PPP1R14D: variants seen among roughly 807,000 people sequenced by gnomAD.
The protein encoded by PPP1R14D is protein phosphatase 1 regulatory subunit 14D.
PPP1R14D carries 14 observed loss-of-function variants against 17.1 expected under a neutral mutation model. That is an observed-to-expected ratio of 0.82 (90% CI 0.54 to 1.28). The LOEUF is 1.28. PPP1R14D is among the 50% of genes most tolerant of loss of function. The pLI is 0.00. For missense variants in PPP1R14D, 173 were observed against 179.2 expected, an observed-to-expected ratio of 0.97 and a Z score of 0.20; for synonymous variants, 67 against 66.1, an observed-to-expected ratio of 1.01 and a Z score of -0.06.
At chr15:40,822,046 G>A (rs1184956869) in intron 1 of PPP1R14D, among the ~76,000 whole-genome samples, 1 of 152,218 alleles carries the variant, frequency 6.6e-6, no homozygotes, top group Non-Finnish European at 1.5e-5. Flanking sequence ...GGGAGGCTGA[G>A]GTGGGAGGAT....
intron 1 of PPP1R14D, among the ~76,000 whole-genome samples, chr15:40,826,419 C>T (rs1274756465): frequency 6.6e-6 from 1 of 152,186 alleles, no homozygotes; most frequent in African/African-American, 2.4e-5. Context: ...GTATGGTTCT[C>T]AGCCCAGCCA....
At chr15:40,818,766 C>G (rs770270799) in intron 1 of PPP1R14D, among the ~76,000 whole-genome samples, 5 of 152,188 alleles carry the variant, frequency 3.3e-5, no homozygotes, top group Non-Finnish European at 5.9e-5. Flanking sequence ...CTGTATGACA[C>G]TATAACGGTG....
intron 1 of PPP1R14D, among the ~76,000 whole-genome samples, chr15:40,827,337 C>G: frequency 6.6e-6 from 1 of 152,018 alleles, no homozygotes; most frequent in East Asian, 1.9e-4. Context: ...GGAGAAACCC[C>G]GTCTCTACTA....
At chr15:40,828,312 GC>G in intron 1 of PPP1R14D, 74 bp downstream of exon 1, 1 of 1,498,254 alleles carries the variant, frequency 6.7e-7, no homozygotes, top group Non-Finnish European at 8.9e-7. Context: ...CAGCCCTCCA[GC>G]TCCTGTGAAG....
intron 1 of PPP1R14D, among the ~76,000 whole-genome samples, chr15:40,816,714 C>G (rs1423548172): frequency 6.6e-6 from 1 of 150,744 alleles, no homozygotes; most frequent in Admixed American, 6.6e-5. Flanking sequence ...AGGGAGACTT[C>G]GTCGCAAAAA....
chr15:40,816,233 C>T lies in PPP1R14D; in HGVS notation c.276G>A (p.Glu92=), dbSNP rs757738515. The T allele has an allele frequency of 7.4e-6, 12 of 1,614,146 alleles. No individual in the cohort carries two copies. The highest frequency in any genetic ancestry group is 1.0e-5 in the Non-Finnish European group (12 of 1,180,030). Residue 92 remains glutamate, a synonymous_variant, in exon 2 of 4, where the codon GAG becomes GAA. Coordinates refer to ENST00000299174, the MANE Select transcript of PPP1R14D (RefSeq NM_017726.8). ...ELFQDQATPS[E]PEIDLEALMD... ...TGAGAGCTTCCAGGTCAATCTCAGG[C>T]TCAGAAGGGGTTGCTTGATCCTATT...
At chr15:40,824,889 C>T (rs1022409624) in intron 1 of PPP1R14D, among the ~76,000 whole-genome samples, 2 of 151,972 alleles carry the variant, frequency 1.3e-5, no homozygotes, top group Non-Finnish European at 2.9e-5. Flanking sequence ...AAACAGAAGC[C>T]GGATTCCAGT....
intron 1 of PPP1R14D, among the ~76,000 whole-genome samples, chr15:40,827,508 A>G (rs1017998697): frequency 6.6e-6 from 1 of 152,232 alleles, no homozygotes; most frequent in African/African-American, 2.4e-5. Context: ...ACTGTCTCAA[A>G]AAAAGGCAAA....
rs1890663457 is a variant in PPP1R14D, at chr15:40,816,330, C to T, written c.256-77G>A. On this transcript the variant is annotated intron_variant, in intron 1 of 3. Coordinates refer to ENST00000299174, the MANE Select transcript of PPP1R14D (RefSeq NM_017726.8). Reference sequence around the variant, plus strand: ...ATGAAGGTTACTGTCAGGGACTCAACCCACCTCTCTCCAATTTCCCATGGT... The same window carrying T: ...ATGAAGGTTACTGTCAGGGACTCAATCCACCTCTCTCCAATTTCCCATGGT... The T allele has an allele frequency of 2.5e-5, 30 of 1,176,802 alleles. 1 individual carries two copies. The highest frequency in any genetic ancestry group is 3.8e-6 in the Non-Finnish European group (3 of 786,702). 72.9% of individuals were successfully genotyped at this position (1,176,802 alleles called of 1,614,324 possible).
At position 40,828,490 on chromosome 15, in the gene PPP1R14D, G is replaced by A. The variant is rs779905985; in HGVS notation, c.152C>T (p.Ser51Phe). 4 of 1,614,092 alleles carry A rather than the reference G, an allele frequency of 2.5e-6. No homozygotes were observed. The highest frequency in any genetic ancestry group is 1.1e-5 in the South Asian group (1 of 91,086). The change falls in exon 1 of 4, where the codon TCC becomes TTC. Residue 51 changes from serine (S) to phenylalanine (F), a missense_variant. Coordinates refer to ENST00000299174, the MANE Select transcript of PPP1R14D (RefSeq NM_017726.8). ...SHPDSSKIPR[S>F]RRPSRLTVKY... is the part of the protein sequence containing the mutation. ...CACTGTCAGGCGGCTGGGTCTCCGG[G>A]ACCTGGGTATCTTGGAGGAGTCCGG... is the stretch of plus-strand genomic sequence containing the variant.
In PPP1R14D at chr15:40,828,458, C is replaced by A; in HGVS notation, c.184G>T (p.Asp62Tyr). 1 of 1,614,156 alleles carries A rather than the reference C, an allele frequency of 6.2e-7. No homozygotes were observed. The highest frequency in any genetic ancestry group is 1.1e-5 in the South Asian group (1 of 91,064). Residue 62 changes from aspartate to tyrosine, a missense_variant, in exon 1 of 4, where the codon GAC becomes TAC. Asp to Tyr is a radical substitution (Grantham distance 160). Coordinates refer to ENST00000299174, the MANE Select transcript of PPP1R14D (RefSeq NM_017726.8). ...AGCCAGCGCTGGAGCTGGCCCCGGT[C>A]ATACTTCACTGTCAGGCGGCTGGGT... The part of the protein sequence containing the change: ...RRPSRLTVKY[D>Y]RGQLQRWLEM...
chr15:40,822,720 T>C (rs1449081002), intron 1 of PPP1R14D, among the ~76,000 whole-genome samples: 1 of 152,192 alleles, frequency 6.6e-6, no homozygotes, highest in Non-Finnish European at 1.5e-5. Flanking sequence ...CCCAAAGTGC[T>C]GGGATTACAG....
At chr15:40,816,445 G>A (rs1890667296) in intron 1 of PPP1R14D, among the ~76,000 whole-genome samples, 192 bp from the exon 2 acceptor site, 1 of 152,266 alleles carries the variant, frequency 6.6e-6, no homozygotes, top group South Asian at 2.1e-4. Context: ...GGGTGCAGTG[G>A]CTCATGCCTG....
chr15:40,819,498 C>G (rs1890732950), intron 1 of PPP1R14D, among the ~76,000 whole-genome samples: 1 of 150,808 alleles, frequency 6.6e-6, no homozygotes, highest in African/African-American at 2.4e-5. Flanking sequence ...TATCACGCCA[C>G]TGCACTCCAG....
chr15:40,824,720 A>G (rs1357621024), intron 1 of PPP1R14D, among the ~76,000 whole-genome samples: 2 of 152,188 alleles, frequency 1.3e-5, no homozygotes, highest in Non-Finnish European at 2.9e-5. Context: ...AATTCTAATT[A>G]ATAGAATTAA....
At position 40,828,628 on chromosome 15, in the gene PPP1R14D, C is replaced by T; in HGVS notation, c.14G>A (p.Ser5Asn). The T allele has an allele frequency of 1.2e-6, 2 of 1,611,472 alleles. No individual in the cohort carries two copies. The highest frequency in any genetic ancestry group is 1.1e-5 in the South Asian group (1 of 90,674). Residue 5 changes from serine (S) to asparagine (N), a missense_variant, in exon 1 of 4, where the codon AGC becomes AAC. Coordinates refer to ENST00000299174, the MANE Select transcript of PPP1R14D (RefSeq NM_017726.8). ...GCTGGGAGATGTGCAGGAAGCAGGG[C>T]TTGAAGACAGCATGGAAGTATTGGT... MLSSSPASCTSPSPD... is the reference protein window; with the variant it reads MLSSNPASCTSPSPD...
In PPP1R14D at chr15:40,828,661, A is replaced by G; in HGVS notation, c.-20T>C. 1 of 1,584,444 alleles carries G rather than the reference A, an allele frequency of 6.3e-7. No individual in the cohort carries two copies. The highest frequency in any genetic ancestry group is 1.2e-5 in the South Asian group (1 of 86,188). The stretch of plus-strand genomic sequence containing the variant: ...CAGCATGGAAGTATTGGTCTGGGCA[A>G]GGAGCTGGGAAAAACCGCCAGTTCT... On this transcript the variant is annotated 5_prime_UTR_variant, in exon 1 of 4. Coordinates refer to ENST00000299174, the MANE Select transcript of PPP1R14D (RefSeq NM_017726.8).
At chr15:40,821,921 G>A (rs902194962) in intron 1 of PPP1R14D, among the ~76,000 whole-genome samples, 8 of 152,076 alleles carry the variant, frequency 5.3e-5, no homozygotes, top group African/African-American at 1.4e-4. Context: ...AAGTGAGACT[G>A]TGTCTCAAAA....
At chr15:40,828,293 A>C in intron 1 of PPP1R14D, 94 bp downstream of exon 1, 1 of 1,443,334 alleles carries the variant, frequency 6.9e-7, no homozygotes, top group Non-Finnish European at 9.3e-7. Context: ...TCACGGAAGC[A>C]CCTCACATCA....
Sources: gnomAD v4.1 joint callset for allele counts (sites outside exome capture counted in the v4.1 genomes callset) on GRCh38, gnomAD v4.1.1 for gene constraint, MANE v1.5 for transcripts, NCBI Gene and HGNC (gene_info 2026-07-23, HGNC 2026-07-21) for gene names.